CAPN3: variants seen among roughly 807,000 people sequenced by gnomAD.
CAPN3 encodes the protein calpain 3, also known as calpain-3.
CAPN3 carries 88 observed loss-of-function variants against 114.0 expected under a neutral mutation model. The observed-to-expected ratio is 0.77, with a 90% confidence interval of 0.65 to 0.92. The LOEUF is 0.92. Among genes scored for constraint, CAPN3 ranks in the 40% least tolerant of loss-of-function variants. The probability of loss-of-function intolerance (pLI) is 0.00; values close to 1 mark genes in which losing one functional copy is unlikely to be tolerated. For synonymous variants in CAPN3, 386 were observed against 382.9 expected (o/e 1.01, Z -0.09); for missense variants, 1,028 against 1,069.0 (o/e 0.96, Z 0.53).
chr15:42,392,007 T>C (rs2053567701), intron 6 of CAPN3, among the ~76,000 whole-genome samples: 1 of 151,338 alleles, frequency 6.6e-6, no homozygotes, highest in Non-Finnish European at 1.5e-5. Flanking sequence ...CTACTAAAAA[T>C]ACAAAAAATT....
At chr15:42,378,283 G>C (rs562924133) in intron 1 of CAPN3, among the ~76,000 whole-genome samples, 16 of 152,330 alleles carry the variant, frequency 1.1e-4, no homozygotes, top group Non-Finnish European at 2.4e-4. Context: ...GTGATCAAAA[G>C]TTAGTTTTAG....
intron 1 of CAPN3, among the ~76,000 whole-genome samples, chr15:42,381,690 C>G (rs953892772): frequency 6.6e-6 from 1 of 152,130 alleles, no homozygotes; most frequent in African/African-American, 2.4e-5. Flanking sequence ...CAGGCATGAG[C>G]CACCATGCCT....
chr15:42,411,844 C>T lies in CAPN3; in HGVS notation c.*71C>T. ...CAGTTTCACCCTCTATTTCCAAAGCCATTTACCTCAAAGGACCCAGCAGCT... is the reference window on the plus strand; with the variant it reads ...CAGTTTCACCCTCTATTTCCAAAGCTATTTACCTCAAAGGACCCAGCAGCT... On this transcript the variant is annotated 3_prime_UTR_variant, in exon 24 of 24. Transcript: ENST00000397163. 1 of 1,613,250 alleles carries T rather than the reference C, an allele frequency of 6.2e-7. No individual in the cohort carries two copies. The highest frequency in any genetic ancestry group is 1.1e-5 in the South Asian group (1 of 90,918).
Position 42,389,086 on chromosome 15 carries a change from G to C in CAPN3, c.791G>C (p.Cys264Ser). The C allele has an allele frequency of 1.2e-5, 20 of 1,614,054 alleles. No individual in the cohort carries two copies. The highest frequency in any genetic ancestry group is 1.7e-5 in the Non-Finnish European group (20 of 1,179,988). ...KAIERGSLMG[C>S]SIDDGTNMTY... The stretch of plus-strand genomic sequence containing the variant: ...ATCGAGAGAGGCTCCCTCATGGGCT[G>C]CTCCATTGATGTAAGTCTGGGGTGT... Residue 264 changes from cysteine to serine, a missense_variant, in exon 5 of 24, where the codon TGC (cysteine) becomes TCC (serine). Coordinates refer to ENST00000397163, the MANE Select transcript of CAPN3 (RefSeq NM_000070.3).
chr15:42,389,393 T>C (rs758604869), intron 5 of CAPN3, among the ~76,000 whole-genome samples: 4 of 152,170 alleles, frequency 2.6e-5, no homozygotes, highest in Non-Finnish European at 5.9e-5. Context: ...CTCAGCACGC[T>C]CCCATTAAGC....
chr15:42,388,149 A>G lies in CAPN3; in HGVS notation c.632+263A>G, dbSNP rs7174880. 0.053 allele frequency among the ~76,000 whole-genome samples: 8,102 copies of G among 152,198 alleles called. 661 individuals are homozygous for G. The highest frequency in any genetic ancestry group is 0.17 in the African/African-American group (7,170 of 41,478). ...TTACCATAGCGAGTTCTTTCATTGCACCTCCATGGTGGCATTGCAAGTCTT... is the reference window on the plus strand; with the variant it reads ...TTACCATAGCGAGTTCTTTCATTGCGCCTCCATGGTGGCATTGCAAGTCTT... On this transcript the variant is annotated intron_variant, in intron 4 of 23. Transcript: ENST00000397163.
chr15:42,364,621 C>A (rs538747736), intron 1 of CAPN3, among the ~76,000 whole-genome samples: 1 of 152,188 alleles, frequency 6.6e-6, no homozygotes, highest in African/African-American at 2.4e-5. Flanking sequence ...TAGGGCAATT[C>A]TAGTTATCTA....
Position 42,402,785 on chromosome 15 carries a change from A to G in CAPN3, c.1537-9A>G, listed in dbSNP as rs2053909488. 1 of 1,613,878 alleles carries G rather than the reference A, an allele frequency of 6.2e-7. No homozygotes were observed. Among genetic ancestry groups the G allele is most frequent in the Non-Finnish European group, 8.5e-7 (1 of 1,179,794 alleles). On this transcript the variant is annotated splice_polypyrimidine_tract_variant and intron_variant, in intron 12 of 23. Coordinates refer to ENST00000397163, the MANE Select transcript of CAPN3 (RefSeq NM_000070.3). Reference sequence around the variant, plus strand: ...GGCTCATGTGCCCTGGGCTCTCCCCATCTCTCAGATGCACGGGAACAAGCA... The same window carrying G: ...GGCTCATGTGCCCTGGGCTCTCCCCGTCTCTCAGATGCACGGGAACAAGCA...
Position 42,359,703 on chromosome 15 carries a change from A to G in CAPN3, c.-103A>G. The stretch of plus-strand genomic sequence containing the variant: ...CTGGATGTGGACACTTTTCTCTCAG[A>G]TGACAGAATTACTCCAACTTCCCCT... On this transcript the variant is annotated 5_prime_UTR_variant, in exon 1 of 24. The change abolishes an upstream ATG in the 5' untranslated region. Coordinates refer to ENST00000397163, the MANE Select transcript of CAPN3 (RefSeq NM_000070.3). 6.3e-7 allele frequency: 1 copy of G among 1,586,722 alleles called. No homozygotes were observed. Among genetic ancestry groups the G allele is most frequent in the Non-Finnish European group, 8.6e-7 (1 of 1,169,076 alleles).
chr15:42,404,541 C>G (rs964692953), intron 14 of CAPN3, among the ~76,000 whole-genome samples: 34 of 152,220 alleles, frequency 2.2e-4, no homozygotes, highest in Admixed American at 2.2e-3. Flanking sequence ...GACTCTCTGA[C>G]TCCAGACTTA....
At chr15:42,411,675 A>C in intron 23 of CAPN3, 72 bp from the exon 24 acceptor site, 2 of 594,586 alleles carry the variant, frequency 3.4e-6, no homozygotes, top group Non-Finnish European at 5.6e-6. Flanking sequence ...CTTGCCCCGT[A>C]AGATTCCTAG....
intron 14 of CAPN3, chr15:42,404,661 G>A (rs1226162520): frequency 6.7e-6 from 8 of 1,186,342 alleles, no homozygotes; most frequent in Non-Finnish European, 8.5e-6. Context: ...TCTTGTGACT[G>A]CCTTGGGGCT....
chr15:42,408,561 A>G (rs1595844720), intron 16 of CAPN3: 4 of 504,528 alleles, frequency 7.9e-6, no homozygotes, highest in Non-Finnish European at 1.1e-5. Context: ...TGAGCCTCCC[A>G]TGGAGCTGAT....
In CAPN3 at chr15:42,385,749, G is replaced by T. The variant is rs28364392; in HGVS notation, c.380-418G>T. Reference sequence around the variant, plus strand: ...ATCATCTTGGTGGATGGTTCTCTGAGGCTCAGTCTTCGCTGAAGTCAGAAG... The same window carrying T: ...ATCATCTTGGTGGATGGTTCTCTGATGCTCAGTCTTCGCTGAAGTCAGAAG... On this transcript the variant is annotated intron_variant, in intron 2 of 23. Coordinates refer to ENST00000397163, the MANE Select transcript of CAPN3 (RefSeq NM_000070.3). 2,864 of 522,980 alleles carry T rather than the reference G, an allele frequency of 5.5e-3. 70 individuals are homozygous for T. Among genetic ancestry groups the T allele is most frequent in the African/African-American group, 0.05 (2,625 of 52,174 alleles). 32.4% of individuals were successfully genotyped at this position (522,980 alleles called of 1,614,324 possible).
At chr15:42,363,790 C>A (rs728509) in intron 1 of CAPN3, among the ~76,000 whole-genome samples, 1 of 152,208 alleles carries the variant, frequency 6.6e-6, no homozygotes, top group East Asian at 1.9e-4. Context: ...TGAGGAAGTA[C>A]CATTATTGTC....
chr15:42,359,811 G>A lies in CAPN3; in HGVS notation c.6G>A (p.Pro2=), dbSNP rs117480333. 2.7e-5 allele frequency: 44 copies of A among 1,613,402 alleles called. No individual in the cohort carries two copies. Among genetic ancestry groups the A allele is most frequent in the East Asian group, 6.7e-5 (3 of 44,878 alleles). The change falls in exon 1 of 24, where the codon CCG becomes CCA. Residue 2 remains proline, a synonymous_variant. Coordinates refer to ENST00000397163, the MANE Select transcript of CAPN3 (RefSeq NM_000070.3). M[P]TVISASVAPR... is the part of the protein sequence containing the mutation. The stretch of plus-strand genomic sequence containing the variant: ...TTCTTCCAAAGCCACTTGCCATGCC[G>A]ACCGTCATTAGCGCATCTGTGGCTC...
At chr15:42,394,423 A>T in intron 8 of CAPN3, 82 bp downstream of exon 8, 1 of 1,059,500 alleles carries the variant, frequency 9.4e-7, no homozygotes, top group East Asian at 2.6e-5. Context: ...GAGCCATGAG[A>T]GTATTGAAGA....
chr15:42,412,125 C>T lies in CAPN3; in HGVS notation c.*352C>T, dbSNP rs1305974958. The T allele has an allele frequency of 7.8e-6, 12 of 1,535,848 alleles. No homozygotes were observed. The highest frequency in any genetic ancestry group is 1.0e-5 in the Non-Finnish European group (12 of 1,146,902). On this transcript the variant is annotated 3_prime_UTR_variant, in exon 24 of 24. Coordinates refer to ENST00000397163, the MANE Select transcript of CAPN3 (RefSeq NM_000070.3). ...CACCTGCCGGTGGCACTCAGCACCT[C>T]CTTGTGCTAGAGCCCTCCATCACCT...
intron 23 of CAPN3, 47 bp from the exon 24 acceptor site, chr15:42,411,700 G>GGC (rs1566986740): frequency 2.4e-6 from 2 of 823,554 alleles, no homozygotes; most frequent in Non-Finnish European, 1.9e-6. Flanking sequence ...GGGGGGGGGG[G>GGC]GGTCACTCTT....
Sources: allele counts gnomAD v4.1 joint callset (sites outside exome capture counted in the v4.1 genomes callset), GRCh38; gene constraint gnomAD v4.1.1; transcripts MANE v1.5; gene names NCBI Gene and HGNC (gene_info 2026-07-23, HGNC 2026-07-21).